The following GRIK4 variants were observed in gnomAD, a reference collection of about 807,000 sequenced individuals.
The protein encoded by GRIK4 is glutamate receptor ionotropic, kainate 4.
GRIK4 carries 40 observed loss-of-function variants against 104.9 expected under a neutral mutation model. The observed-to-expected ratio is 0.38, with a 90% CI of 0.30 to 0.50. The LOEUF is 0.50. GRIK4 is among the 20% of genes least tolerant of loss of function. The pLI, the probability that GRIK4 is intolerant of heterozygous loss-of-function variation, is 0.93. For missense variants in GRIK4, 1,047 were observed against 1,308.1 expected (o/e 0.80, Z 3.08); for synonymous variants, 485 against 524.9 (o/e 0.92, Z 1.04).
Position 120,800,666 on chromosome 11 carries a change from T to G in GRIK4, c.83-2027T>G, listed in dbSNP as rs567938151. Among the ~76,000 whole-genome samples, 36 of 152,350 alleles carry G rather than the reference T, an allele frequency of 2.4e-4. 1 individual carries two copies. The South Asian group carries it at 7.3e-3, about 31-fold the overall frequency. ...AACCTGAGTAAATGACATTTAACTT[T>G]TATTATTCAATGAAGTTATGCATGT... On this transcript the variant is annotated intron_variant, in intron 3 of 20. Coordinates refer to ENST00000527524, the MANE Select transcript of GRIK4 (RefSeq NM_014619.5).
intron 4 of GRIK4, among the ~76,000 whole-genome samples, chr11:120,808,368 G>T (rs1321136851): frequency 2.6e-5 from 4 of 152,236 alleles, no homozygotes; most frequent in Non-Finnish European, 5.9e-5. Flanking sequence ...AGTAGTAGTA[G>T]AATTCATATA....
chr11:120,593,721 C>T (rs1410277509), intron 1 of GRIK4, among the ~76,000 whole-genome samples: 1 of 152,220 alleles, frequency 6.6e-6, no homozygotes, highest in Non-Finnish European at 1.5e-5. Context: ...TATCTATCTA[C>T]TTGACTTTTT....
At chr11:120,666,786 G>C (rs1009661559) in intron 3 of GRIK4, among the ~76,000 whole-genome samples, 5 of 152,208 alleles carry the variant, frequency 3.3e-5, no homozygotes, top group African/African-American at 9.7e-5. Context: ...CTGACTGGCA[G>C]TATTGGATTC....
intron 20 of GRIK4, among the ~76,000 whole-genome samples, chr11:120,984,604 C>T (rs12796457): frequency 0.23 from 35,375 of 151,608 alleles, 4,318 homozygotes; most frequent in African/African-American, 0.3. Context: ...CCGTCTCTAC[C>T]AAGAAATACA....
chr11:120,716,716 C>T (rs765270951), intron 3 of GRIK4, among the ~76,000 whole-genome samples: 5 of 152,156 alleles, frequency 3.3e-5, no homozygotes, highest in Non-Finnish European at 5.9e-5. Flanking sequence ...GCACCCCTGA[C>T]CTGACATTCC....
intron 1 of GRIK4, among the ~76,000 whole-genome samples, chr11:120,644,011 C>CTGTGTGTGTGTGTGTGTGTG (rs369374873): frequency 6.3e-4 from 77 of 122,908 alleles, no homozygotes; most frequent in African/African-American, 2.9e-3. Flanking sequence ...GGGAGAGGGT[C>CTGTGTGTGTGTGTGTGTGTG]TGTGTGTGTG....
At chr11:120,877,677 G>T (rs1053022481) in intron 11 of GRIK4, among the ~76,000 whole-genome samples, 1 of 152,164 alleles carries the variant, frequency 6.6e-6, no homozygotes, top group Non-Finnish European at 1.5e-5. Context: ...GACAGGCAGT[G>T]GGCAAACAAA....
intron 8 of GRIK4, among the ~76,000 whole-genome samples, chr11:120,854,462 A>C (rs537651061): frequency 1.3e-5 from 2 of 152,332 alleles, no homozygotes; most frequent in African/African-American, 4.8e-5. Context: ...TGTTGGAGTG[A>C]CACCTTTTAT....
intron 3 of GRIK4, among the ~76,000 whole-genome samples, chr11:120,798,218 G>A (rs1952559583): frequency 7.2e-6 from 1 of 138,788 alleles, no homozygotes; most frequent in South Asian, 2.3e-4. Flanking sequence ...GCCTAGGCTG[G>A]AGTGCAGTGG....
At chr11:120,611,038 C>T (rs533827870) in intron 1 of GRIK4, among the ~76,000 whole-genome samples, 1 of 152,176 alleles carries the variant, frequency 6.6e-6, no homozygotes, top group Non-Finnish European at 1.5e-5. Context: ...AGTGAGCGGA[C>T]AAGACTTTGA....
chr11:120,793,053 G>A (rs943368577), intron 3 of GRIK4, among the ~76,000 whole-genome samples: 1 of 152,182 alleles, frequency 6.6e-6, no homozygotes, highest in African/African-American at 2.4e-5. Flanking sequence ...TAACATATAT[G>A]CTCTTCTTAG....
At chr11:120,546,115 G>T (rs7932539) in intron 1 of GRIK4, among the ~76,000 whole-genome samples, 1 of 152,170 alleles carries the variant, frequency 6.6e-6, no homozygotes, top group Non-Finnish European at 1.5e-5. Flanking sequence ...AGGTACAGCC[G>T]TTCTCTGTAG....
intron 1 of GRIK4, chr11:120,620,287 T>C: frequency 1.4e-6 from 1 of 711,934 alleles, no homozygotes; most frequent in Non-Finnish European, 2.6e-6. Context: ...CTTATGAAAT[T>C]CTACTTTGCT....
intron 1 of GRIK4, among the ~76,000 whole-genome samples, chr11:120,631,148 G>T (rs1296328574): frequency 6.6e-6 from 1 of 152,242 alleles, no homozygotes; most frequent in Non-Finnish European, 1.5e-5. Flanking sequence ...CGGCTGCTAC[G>T]CAGCACTCAG....
At chr11:120,668,091 A>G (rs187345944) in intron 3 of GRIK4, among the ~76,000 whole-genome samples, 15 of 144,210 alleles carry the variant, frequency 1.0e-4, no homozygotes, top group African/African-American at 2.9e-4. Context: ...TCATAGATGG[A>G]TAGATAGATG....
intron 13 of GRIK4, among the ~76,000 whole-genome samples, chr11:120,928,287 C>A: frequency 6.6e-6 from 1 of 151,710 alleles, no homozygotes; most frequent in East Asian, 1.9e-4. Context: ...CCCAAAGACC[C>A]CTCTGGCTGC....
chr11:120,968,761 C>T (rs1459091667), intron 19 of GRIK4, among the ~76,000 whole-genome samples: 1 of 152,206 alleles, frequency 6.6e-6, no homozygotes, highest in Non-Finnish European at 1.5e-5. Context: ...TCAGTCTCGT[C>T]TCTACCAGTT....
At chr11:120,769,184 G>C (rs1438364107) in intron 3 of GRIK4, among the ~76,000 whole-genome samples, 1 of 152,096 alleles carries the variant, frequency 6.6e-6, no homozygotes, top group Non-Finnish European at 1.5e-5. Flanking sequence ...TTCTTTATTG[G>C]AAGGTTTTTA....
intron 3 of GRIK4, among the ~76,000 whole-genome samples, chr11:120,668,300 AAG>A (rs1348252480): frequency 6.6e-6 from 1 of 151,808 alleles, no homozygotes; most frequent in African/African-American, 2.4e-5. Flanking sequence ...AGAAAGAAAA[AAG>A]AAAAGAAAAG....
Sources: gnomAD v4.1 joint callset for allele counts (sites outside exome capture counted in the v4.1 genomes callset) on GRCh38, gnomAD v4.1.1 for gene constraint, MANE v1.5 for transcripts, NCBI Gene and HGNC (gene_info 2026-07-23, HGNC 2026-07-21) for gene names.